Variants in KCNH8 observed in about 807,000 individuals in gnomAD.
KCNH8 encodes potassium voltage-gated channel subfamily H member 8.
Under a neutral mutation model 103.6 loss-of-function variants are expected in KCNH8, and 70 were observed. The observed-to-expected ratio is 0.68, with a 90% CI of 0.56 to 0.82. The LOEUF (loss-of-function observed/expected upper bound fraction) is 0.82, where lower values mean the gene tolerates loss of function less well. Ranked by LOEUF, KCNH8 falls within the 40% of genes least tolerant of loss-of-function variation. The probability of loss-of-function intolerance (pLI) is 0.00; values close to 1 mark genes in which losing one functional copy is unlikely to be tolerated. For missense variants in KCNH8, 1,217 were observed against 1,329.9 expected (o/e 0.92, Z 1.32); for synonymous variants, 498 against 489.4 (o/e 1.02, Z -0.23).
At chr3:19,309,187 CT>C (rs1287940785) in intron 3 of KCNH8, among the ~76,000 whole-genome samples, 1 of 151,876 alleles carries the variant, frequency 6.6e-6, no homozygotes, top group Non-Finnish European at 1.5e-5. Flanking sequence ...GTCCTGTTTT[CT>C]TTACCAGAGA....
At chr3:19,311,433 A>G (rs552245561) in intron 3 of KCNH8, among the ~76,000 whole-genome samples, 2 of 151,690 alleles carry the variant, frequency 1.3e-5, no homozygotes, top group African/African-American at 4.8e-5. Flanking sequence ...TACTATAGCC[A>G]TTTACTCTGC....
chr3:19,462,310 CCTGA>C (rs1379667455), intron 11 of KCNH8, among the ~76,000 whole-genome samples: 1 of 152,170 alleles, frequency 6.6e-6, no homozygotes, highest in Non-Finnish European at 1.5e-5. Flanking sequence ...TCTGTTGTTT[CCTGA>C]CTTTTTAATG....
At chr3:19,269,091 G>A (rs1171905805) in intron 2 of KCNH8, among the ~76,000 whole-genome samples, 1 of 152,008 alleles carries the variant, frequency 6.6e-6, no homozygotes, top group African/African-American at 2.4e-5. Flanking sequence ...GTTTACGTGT[G>A]TTTGTTTGTT....
chr3:19,149,433 A>G (rs750721223), intron 1 of KCNH8, among the ~76,000 whole-genome samples: 1 of 151,874 alleles, frequency 6.6e-6, no homozygotes, highest in African/African-American at 2.4e-5. Flanking sequence ...CGATTTGATG[A>G]TAAGAGAAAG....
chr3:19,258,548 A>G (rs1245176309), intron 2 of KCNH8, among the ~76,000 whole-genome samples: 1 of 152,150 alleles, frequency 6.6e-6, no homozygotes, highest in Non-Finnish European at 1.5e-5. Flanking sequence ...GAGGTGAAAC[A>G]CTGGATTCTA....
intron 11 of KCNH8, among the ~76,000 whole-genome samples, chr3:19,499,226 G>C (rs1314442339): frequency 6.6e-6 from 1 of 152,058 alleles, no homozygotes; most frequent in Non-Finnish European, 1.5e-5. Context: ...GAAGCGAGAA[G>C]GGAAGTTTAG....
At chr3:19,273,354 G>T (rs2064617727) in intron 2 of KCNH8, among the ~76,000 whole-genome samples, 2 of 152,166 alleles carry the variant, frequency 1.3e-5, no homozygotes, top group South Asian at 4.1e-4. Flanking sequence ...TCACAAAGAA[G>T]TGCTTAGAAG....
intron 1 of KCNH8, among the ~76,000 whole-genome samples, chr3:19,240,059 TATAC>T (rs2064118518): frequency 6.6e-6 from 1 of 152,188 alleles, no homozygotes; most frequent in African/African-American, 2.4e-5. Flanking sequence ...AAACATAAAA[TATAC>T]TTAGTATTGG....
In KCNH8 at chr3:19,288,181, CTTT is replaced by C. The variant is rs767659898; in HGVS notation, c.442+6880_442+6882del. Among the ~76,000 whole-genome samples the C allele has an allele frequency of 1.4e-3, 52 of 38,168 alleles. 1 individual carries two copies. Among genetic ancestry groups the C allele is most frequent in the Non-Finnish European group, 2.1e-3 (40 of 19,444 alleles). The allele number at this position is 38,168 out of a possible 152,430, so 25.0% of individuals were successfully genotyped here. The stretch of plus-strand genomic sequence containing the variant: ...CTTCTTGCACCGGTGTATCAAACTT[CTTT>C]TTTTTTTTTTTTTTTTTTTTTTTTT... On this transcript the variant is annotated intron_variant, in intron 3 of 15. Coordinates refer to ENST00000328405, the MANE Select transcript of KCNH8 (RefSeq NM_144633.3).
intron 3 of KCNH8, among the ~76,000 whole-genome samples, chr3:19,314,524 C>T (rs1268556436): frequency 6.6e-6 from 1 of 151,954 alleles, no homozygotes; most frequent in African/African-American, 2.4e-5. Flanking sequence ...GAGCCATGGT[C>T]ATGACATTGC....
At chr3:19,407,046 T>A (rs1374413242) in intron 7 of KCNH8, among the ~76,000 whole-genome samples, 2 of 152,180 alleles carry the variant, frequency 1.3e-5, no homozygotes, top group Non-Finnish European at 2.9e-5. Flanking sequence ...ATGAAATAAA[T>A]GGCTTTTATG....
At chr3:19,234,270 C>T (rs544821659) in intron 1 of KCNH8, among the ~76,000 whole-genome samples, 1 of 152,312 alleles carries the variant, frequency 6.6e-6, no homozygotes, top group African/African-American at 2.4e-5. Context: ...CTGCCAGTCC[C>T]GCGCTGTGGG....
intron 11 of KCNH8, among the ~76,000 whole-genome samples, chr3:19,497,045 G>A (rs1233578075): frequency 6.6e-6 from 1 of 152,098 alleles, no homozygotes; most frequent in Admixed American, 6.5e-5. Context: ...GCATAGAGGT[G>A]TTTGTAGTAG....
intron 7 of KCNH8, among the ~76,000 whole-genome samples, chr3:19,434,439 A>G (rs2067166830): frequency 6.6e-6 from 1 of 152,202 alleles, no homozygotes; most frequent in African/African-American, 2.4e-5. Context: ...TTATCCTGAT[A>G]TCTCTCAGTC....
chr3:19,455,360 T>C (rs1304596279), intron 10 of KCNH8, among the ~76,000 whole-genome samples: 2 of 152,184 alleles, frequency 1.3e-5, no homozygotes, highest in African/African-American at 4.8e-5. Flanking sequence ...ACGTAAGTTA[T>C]AGCTCTAACC....
chr3:19,201,264 AAAAG>A (rs1559419913), intron 1 of KCNH8, among the ~76,000 whole-genome samples: 2 of 144,466 alleles, frequency 1.4e-5, no homozygotes, highest in African/African-American at 5.4e-5. Context: ...AAAAAAAAAG[AAAAG>A]AAAATTATAG....
At chr3:19,413,505 A>G (rs1363300875) in intron 7 of KCNH8, among the ~76,000 whole-genome samples, 1 of 152,090 alleles carries the variant, frequency 6.6e-6, no homozygotes. Flanking sequence ...TTTTTAACCC[A>G]TGTAACAAAC....
rs149117244 is a variant in KCNH8 at position 19,375,883 on chromosome 3, C to T, written c.812-14598C>T. Among the ~76,000 whole-genome samples, 1,010 of 152,282 alleles carry T rather than the reference C, an allele frequency of 6.6e-3. 17 individuals carry two copies. Among genetic ancestry groups the T allele is most frequent in the Admixed American group, 0.037 (563 of 15,298 alleles). On this transcript the variant is annotated intron_variant, in intron 5 of 15. Coordinates refer to ENST00000328405, the MANE Select transcript of KCNH8 (RefSeq NM_144633.3). ...CCCTACTGTGTGAGGTGTCAGTGTG[C>T]CCTTGCTGGGGGGTGCCTCCCAGTT...
At chr3:19,249,090 G>C (rs1481401664) in intron 1 of KCNH8, among the ~76,000 whole-genome samples, 1 of 152,218 alleles carries the variant, frequency 6.6e-6, no homozygotes, top group East Asian at 1.9e-4. Context: ...GTGGCATTTA[G>C]ATGCATATTG....
Sources: allele counts gnomAD v4.1 joint callset (sites outside exome capture counted in the v4.1 genomes callset), GRCh38; gene constraint gnomAD v4.1.1; transcripts MANE v1.5; gene names NCBI Gene and HGNC (gene_info 2026-07-23, HGNC 2026-07-21).